Variants in CSMD1 observed in about 807,000 individuals in gnomAD.
The protein encoded by CSMD1 is CUB and Sushi multiple domains 1.
A neutral mutation model predicts 417.5 loss-of-function variants in CSMD1; 213 were observed. The ratio of observed to expected loss-of-function variants is 0.51; its 90% CI spans 0.46 to 0.57. The LOEUF is 0.57. Ranked by LOEUF, CSMD1 falls within the 20% of genes least tolerant of loss-of-function variation. The pLI, the probability that CSMD1 is intolerant of heterozygous loss-of-function variation, is 0.00. For missense variants in CSMD1, 6,923 were observed against 4,529.7 expected (o/e 1.53, Z -15.17); for synonymous variants, 2,862 against 1,736.8 (o/e 1.65, Z -16.11).
chr8:4,183,496 TTTCTC>T (rs750591564), intron 3 of CSMD1, among the ~76,000 whole-genome samples: 39 of 152,322 alleles, frequency 2.6e-4, no homozygotes, highest in Admixed American at 5.9e-4. Flanking sequence ...CACTTTGCTT[TTTCTC>T]TTCTATCATG....
intron 3 of CSMD1, among the ~76,000 whole-genome samples, chr8:4,056,642 A>T (rs1021095369): frequency 6.6e-6 from 1 of 151,794 alleles, no homozygotes; most frequent in African/African-American, 2.4e-5. Flanking sequence ...CCATTAACTC[A>T]TCATTTAGCA....
intron 5 of CSMD1, among the ~76,000 whole-genome samples, chr8:3,985,596 G>A (rs545408984): frequency 3.9e-4 from 60 of 152,176 alleles, no homozygotes; most frequent in Admixed American, 3.3e-4. Flanking sequence ...TTGAAGGGGC[G>A]CCACCTTCTA....
At chr8:4,217,835 G>A (rs781393940) in intron 3 of CSMD1, among the ~76,000 whole-genome samples, 14 of 152,114 alleles carry the variant, frequency 9.2e-5, no homozygotes, top group Non-Finnish European at 2.1e-4. Flanking sequence ...AGATTCAAAT[G>A]CAAAAAGAAA....
intron 1 of CSMD1, among the ~76,000 whole-genome samples, chr8:4,885,668 A>G (rs1463751719): frequency 1.3e-5 from 2 of 151,774 alleles, no homozygotes; most frequent in East Asian, 3.9e-4. Flanking sequence ...TTCTTTCTTC[A>G]TTAAATATAA....
At chr8:4,273,467 T>C (rs1804727408) in intron 3 of CSMD1, among the ~76,000 whole-genome samples, 1 of 152,144 alleles carries the variant, frequency 6.6e-6, no homozygotes, top group African/African-American at 2.4e-5. Flanking sequence ...AAGCAAATTA[T>C]AATAAATGCC....
chr8:4,085,286 A>T (rs564614407), intron 3 of CSMD1, among the ~76,000 whole-genome samples: 3 of 152,174 alleles, frequency 2.0e-5, no homozygotes, highest in Non-Finnish European at 4.4e-5. Flanking sequence ...GAATAAGAAC[A>T]TCCTTATCTA....
intron 1 of CSMD1, among the ~76,000 whole-genome samples, chr8:4,834,309 G>A (rs116366902): frequency 6.6e-6 from 1 of 152,088 alleles, no homozygotes; most frequent in African/African-American, 2.4e-5. Flanking sequence ...TACATACTGG[G>A]AACAGAAAAA....
At position 3,740,199 on chromosome 8, in the gene CSMD1, A is replaced by G. The variant is rs1485922597; in HGVS notation, c.931+13731T>C. ...TGGCTCACTGCAACCCCCACCTCCC[A>G]GGTTCAAGTGAGTCTCCTGCCTCAG... On this transcript the variant is annotated intron_variant, in intron 6 of 69. Transcript: ENST00000635120. Among the ~76,000 whole-genome samples, 3 of 152,118 alleles carry G rather than the reference A, an allele frequency of 2.0e-5. No individual in the cohort carries two copies. The East Asian group carries it at 5.8e-4, about 29-fold the overall frequency.
At chr8:3,738,136 A>G (rs902720269) in intron 6 of CSMD1, among the ~76,000 whole-genome samples, 1 of 152,192 alleles carries the variant, frequency 6.6e-6, no homozygotes, top group African/African-American at 2.4e-5. Context: ...TACTAAATAC[A>G]TTTAGTAGAC....
intron 1 of CSMD1, among the ~76,000 whole-genome samples, chr8:4,840,783 C>A (rs1197474686): frequency 1.3e-5 from 2 of 152,112 alleles, no homozygotes; most frequent in African/African-American, 4.8e-5. Flanking sequence ...ATGTCCATGT[C>A]GTTATGCACA....
chr8:3,333,248 G>A (rs375984935), intron 23 of CSMD1, among the ~76,000 whole-genome samples: 4 of 152,322 alleles, frequency 2.6e-5, no homozygotes, highest in East Asian at 1.9e-4. Flanking sequence ...CAGCCAAGCC[G>A]TGTCTGGGCT....
At chr8:4,771,190 A>C (rs919789481) in intron 1 of CSMD1, among the ~76,000 whole-genome samples, 3 of 152,214 alleles carry the variant, frequency 2.0e-5, no homozygotes, top group African/African-American at 7.2e-5. Context: ...CCAGAAATGG[A>C]GGCCGCTTTG....
At position 3,848,124 on chromosome 8, in the gene CSMD1, T is replaced by G. The variant is rs189844933; in HGVS notation, c.819-94082A>C. On this transcript the variant is annotated intron_variant, in intron 5 of 69. Transcript: ENST00000635120. ...ATACTTACTTAGTGCTCATATTGAA[T>G]TTATTTTTGCTGTGACTGCTGTATG... Among the ~76,000 whole-genome samples, 39 of 152,178 alleles carry G rather than the reference T, an allele frequency of 2.6e-4. No homozygotes were observed. The East Asian group carries it at 6.6e-3, about 26-fold the overall frequency.
intron 66 of CSMD1, 139 bp downstream of exon 66, chr8:2,950,975 G>A (rs548599644): frequency 2.8e-6 from 2 of 709,732 alleles, no homozygotes; most frequent in East Asian, 2.9e-5. Flanking sequence ...GCTAGGGAGA[G>A]GCTCCAATGA....
chr8:4,887,768 A>AT (rs201103680), intron 1 of CSMD1, among the ~76,000 whole-genome samples: 2,230 of 151,386 alleles, frequency 0.015, 27 homozygotes, highest in Middle Eastern at 0.027. Flanking sequence ...CAATTTTATC[A>AT]TTTTTTTTAA....
At chr8:4,146,365 T>A (rs974856234) in intron 3 of CSMD1, among the ~76,000 whole-genome samples, 1 of 150,498 alleles carries the variant, frequency 6.6e-6, no homozygotes, top group African/African-American at 2.5e-5. Flanking sequence ...CAGCCCAACA[T>A]CGACTTGCAG....
chr8:4,164,862 G>C lies in CSMD1; in HGVS notation c.416-132763C>G, dbSNP rs959632312. Reference sequence around the variant, plus strand: ...CTGCACTCCAAGCCTGAGCAACAGAGCAAGACTCCATCTCAAAGAAAAAAA... The same window carrying C: ...CTGCACTCCAAGCCTGAGCAACAGACCAAGACTCCATCTCAAAGAAAAAAA... On this transcript the variant is annotated intron_variant, in intron 3 of 69. Coordinates refer to ENST00000635120, the MANE Select transcript of CSMD1 (RefSeq NM_033225.6). Among the ~76,000 whole-genome samples the C allele has an allele frequency of 3.6e-5, 5 of 138,756 alleles. No individual in the cohort carries two copies. The East Asian group carries it at 8.6e-4, about 24-fold the overall frequency. 91.0% of individuals were successfully genotyped at this position (138,756 alleles called of 152,430 possible).
At chr8:4,925,701 C>T in intron 1 of CSMD1, among the ~76,000 whole-genome samples, 1 of 152,046 alleles carries the variant, frequency 6.6e-6, no homozygotes, top group East Asian at 1.9e-4. Flanking sequence ...CGCCCGCCAC[C>T]ACGCAGGGCT....
intron 26 of CSMD1, among the ~76,000 whole-genome samples, chr8:3,245,132 T>C (rs1408897393): frequency 6.6e-6 from 1 of 152,212 alleles, no homozygotes; most frequent in Non-Finnish European, 1.5e-5. Context: ...CATTAATGCA[T>C]TAATTGAGTT....
Sources: gnomAD v4.1 joint callset for allele counts (sites outside exome capture counted in the v4.1 genomes callset) on GRCh38, gnomAD v4.1.1 for gene constraint, MANE v1.5 for transcripts, NCBI Gene and HGNC (gene_info 2026-07-23, HGNC 2026-07-21) for gene names.